Variants in FNDC3A observed in about 807,000 individuals in gnomAD.
FNDC3A encodes the protein fibronectin type-III domain-containing protein 3A.
FNDC3A carries 32 observed loss-of-function variants against 148.9 expected under a neutral mutation model. The ratio of observed to expected loss-of-function variants is 0.21; its 90% CI spans 0.16 to 0.29. The LOEUF is 0.29. Ranked by LOEUF, FNDC3A falls within the 10% of genes least tolerant of loss-of-function variation. The probability of loss-of-function intolerance (pLI) is 1.00; values close to 1 mark genes in which losing one functional copy is unlikely to be tolerated. For missense variants in FNDC3A, 1,191 were observed against 1,452.8 expected, an observed-to-expected ratio of 0.82 and a Z score of 2.93; for synonymous variants, 472 against 473.6, an observed-to-expected ratio of 1.00 and a Z score of 0.04.
chr13:48,982,740 T>A (rs1474404435), intron 1 of FNDC3A, among the ~76,000 whole-genome samples: 1 of 152,200 alleles, frequency 6.6e-6, no homozygotes, highest in Non-Finnish European at 1.5e-5. Flanking sequence ...CTTACCTCTT[T>A]ACAACTTTGT....
chr13:49,016,145 T>C (rs2137627030), intron 2 of FNDC3A, among the ~76,000 whole-genome samples: 2 of 152,370 alleles, frequency 1.3e-5, no homozygotes, highest in Middle Eastern at 3.4e-3. Context: ...ATTCCCTCTT[T>C]TTCTGTTGAT....
intron 10 of FNDC3A, among the ~76,000 whole-genome samples, chr13:49,169,190 C>T (rs1011488758): frequency 2.6e-5 from 4 of 152,074 alleles, no homozygotes; most frequent in Non-Finnish European, 5.9e-5. Context: ...AACGTTTGGT[C>T]CTAGCTACAC....
chr13:49,079,843 G>T (rs1003646891), intron 3 of FNDC3A, among the ~76,000 whole-genome samples: 4 of 152,148 alleles, frequency 2.6e-5, no homozygotes, highest in African/African-American at 7.2e-5. Flanking sequence ...AAGAGACAGG[G>T]TCTCTTTGTC....
chr13:49,105,071 C>T (rs1167238122), intron 3 of FNDC3A, among the ~76,000 whole-genome samples: 2 of 152,120 alleles, frequency 1.3e-5, no homozygotes, highest in Admixed American at 6.5e-5. Flanking sequence ...TACATAAAAA[C>T]TCTTCCCAAT....
rs77549600 is a variant in FNDC3A, at chr13:49,110,214, C to T, written c.176-4441C>T. The T allele has an allele frequency of 5.9e-4, 297 of 506,924 alleles. 1 individual carries two copies. The highest frequency in any genetic ancestry group is 3.4e-3 in the Admixed American group (70 of 20,658). 31.4% of individuals were successfully genotyped at this position (506,924 alleles called of 1,614,324 possible). A position where few individuals can be genotyped will look rare whatever the true frequency, so the allele number is the denominator to read the frequency against. ...CAAGCGGGAACGTTTGCTTTTTTTT[C>T]CCCCTTGCCCTTTCCTGGGTCACTG... On this transcript the variant is annotated intron_variant, in intron 3 of 25. Coordinates refer to ENST00000492622, the MANE Select transcript of FNDC3A (RefSeq NM_001079673.2).
chr13:49,162,613 A>C (rs185808104), intron 8 of FNDC3A, among the ~76,000 whole-genome samples: 1 of 152,086 alleles, frequency 6.6e-6, no homozygotes, highest in Non-Finnish European at 1.5e-5. Flanking sequence ...ACTTCTGTCA[A>C]CTCGTCAAAG....
At chr13:48,987,715 T>A (rs1022154828) in intron 1 of FNDC3A, among the ~76,000 whole-genome samples, 1 of 152,234 alleles carries the variant, frequency 6.6e-6, no homozygotes, top group African/African-American at 2.4e-5. Flanking sequence ...TGTAAATTAT[T>A]GATTTCTTTG....
At chr13:49,183,527 A>G (rs1305755726) in intron 14 of FNDC3A, among the ~76,000 whole-genome samples, 1 of 152,178 alleles carries the variant, frequency 6.6e-6, no homozygotes, top group Non-Finnish European at 1.5e-5. Flanking sequence ...TACCTTTATG[A>G]CTAGAAGGTG....
At chr13:49,182,284 C>G (rs554307499) in intron 14 of FNDC3A, among the ~76,000 whole-genome samples, 1 of 152,060 alleles carries the variant, frequency 6.6e-6, no homozygotes, top group Admixed American at 6.6e-5. Context: ...CCACGACACC[C>G]GGCCAAAAAT....
intron 2 of FNDC3A, among the ~76,000 whole-genome samples, chr13:49,032,956 A>C (rs1379968401): frequency 6.6e-6 from 1 of 152,138 alleles, no homozygotes; most frequent in Non-Finnish European, 1.5e-5. Context: ...GTGATTAACA[A>C]TCCAGAAATA....
At chr13:49,110,256 T>C in intron 3 of FNDC3A, 3 of 1,188,116 alleles carry the variant, frequency 2.5e-6, no homozygotes, top group Non-Finnish European at 3.5e-6. Context: ...ACGTGATGAC[T>C]GTCACGTGAC....
chr13:49,183,681 A>G (rs1288611099), intron 14 of FNDC3A, among the ~76,000 whole-genome samples: 1 of 152,218 alleles, frequency 6.6e-6, no homozygotes, highest in Non-Finnish European at 1.5e-5. Flanking sequence ...ACCCATTTGT[A>G]GTCTCATTTA....
intron 2 of FNDC3A, among the ~76,000 whole-genome samples, chr13:49,066,439 A>C (rs1411004892): frequency 6.6e-6 from 1 of 152,170 alleles, no homozygotes; most frequent in African/African-American, 2.4e-5. Flanking sequence ...CACTTATTGA[A>C]GATATATGTA....
rs536351955 is a variant in FNDC3A at position 49,122,236 on chromosome 13, C to T, written c.252+7505C>T. Reference sequence around the variant, plus strand: ...AACGTAATCTATCACATAAACAGCACCAATGACAAAAATGACATGATTATC... The same window carrying T: ...AACGTAATCTATCACATAAACAGCATCAATGACAAAAATGACATGATTATC... On this transcript the variant is annotated intron_variant, in intron 4 of 25. Coordinates refer to ENST00000492622, the MANE Select transcript of FNDC3A (RefSeq NM_001079673.2). 3.3e-5 allele frequency among the ~76,000 whole-genome samples: 5 copies of T among 152,156 alleles called. No homozygotes were observed. In the South Asian group the frequency reaches 1.0e-3, roughly 32 times the overall value.
In FNDC3A at chr13:48,978,136, TGTGA is replaced by T. The variant is rs796434624; in HGVS notation, c.-40+1962_-40+1965del. On this transcript the variant is annotated intron_variant, in intron 1 of 25. Coordinates refer to ENST00000492622, the MANE Select transcript of FNDC3A (RefSeq NM_001079673.2). ...TCTGTGTCTTCACTTCCTCTATCTG[TGTGA>T]GTAATTGAGACCTGATTTATTTTAA... Among the ~76,000 whole-genome samples the T allele has an allele frequency of 3.2e-3, 486 of 152,256 alleles. 4 individuals are homozygous for T. The highest frequency in any genetic ancestry group is 0.011 in the African/African-American group (459 of 41,558).
At chr13:49,089,088 A>G (rs765230652) in intron 3 of FNDC3A, among the ~76,000 whole-genome samples, 18 of 152,164 alleles carry the variant, frequency 1.2e-4, no homozygotes, top group Non-Finnish European at 2.4e-4. Flanking sequence ...GTTTTGGAAG[A>G]TGAAAAATGT....
intron 2 of FNDC3A, among the ~76,000 whole-genome samples, chr13:49,026,506 G>A (rs1429476942): frequency 6.6e-6 from 1 of 152,038 alleles, no homozygotes; most frequent in Non-Finnish European, 1.5e-5. Flanking sequence ...ATTTTGTTTT[G>A]TTTTATTGTT....
rs183547517 is a variant in FNDC3A at position 49,043,127 on chromosome 13, T to G, written c.100-32162T>G. Among the ~76,000 whole-genome samples, 317 of 151,546 alleles carry G rather than the reference T, an allele frequency of 2.1e-3. 1 individual carries two copies. The highest frequency in any genetic ancestry group is 7.1e-3 in the African/African-American group (292 of 41,278). ...TGTGCCACCACACCCAGCCAGTTTT[T>G]TTTTTTTTTTTAATATTTTGTAGAG... On this transcript the variant is annotated intron_variant, in intron 2 of 25. Coordinates refer to ENST00000492622, the MANE Select transcript of FNDC3A (RefSeq NM_001079673.2).
intron 3 of FNDC3A, among the ~76,000 whole-genome samples, chr13:49,113,385 AT>A (rs1880710971): frequency 6.7e-6 from 1 of 149,728 alleles, no homozygotes; most frequent in Non-Finnish European, 1.5e-5. Flanking sequence ...TAGCTCTCTC[AT>A]CTCCCTAGCC....
Sources: allele counts gnomAD v4.1 joint callset (sites outside exome capture counted in the v4.1 genomes callset), GRCh38; gene constraint gnomAD v4.1.1; transcripts MANE v1.5; gene names NCBI Gene and HGNC (gene_info 2026-07-23, HGNC 2026-07-21).